BLOC1S3: variants seen among roughly 807,000 people sequenced by gnomAD.
BLOC1S3 encodes biogenesis of lysosome-related organelles complex 1 subunit 3.
In BLOC1S3, 7 loss-of-function variants were observed where a neutral mutation model predicts 9.1. The observed-to-expected ratio is 0.77, with a 90% CI of 0.44 to 1.45. The LOEUF is 1.45. Among genes scored for constraint, BLOC1S3 ranks in the 40% most tolerant of loss-of-function variants. The probability of loss-of-function intolerance (pLI) is 0.01; values close to 1 mark genes in which losing one functional copy is unlikely to be tolerated. For missense variants in BLOC1S3, 307 were observed against 315.2 expected (o/e 0.97, Z 0.20); for synonymous variants, 145 against 158.4 (o/e 0.92, Z 0.64).
intron 2 of BLOC1S3, among the ~76,000 whole-genome samples, chr19:45,189,207 A>G (rs949335801): frequency 4.6e-5 from 7 of 151,942 alleles, no homozygotes; most frequent in African/African-American, 1.7e-4. Flanking sequence ...TTTAATAGAG[A>G]TAAGGTTTCA....
Position 45,179,915 on chromosome 19 carries a change from TA to T in BLOC1S3, c.*11del. 1.2e-6 allele frequency: 2 copies of T among 1,606,242 alleles called. No homozygotes were observed. The highest frequency in any genetic ancestry group is 1.7e-6 in the Non-Finnish European group (2 of 1,176,676). ...GGGGCCGCGGGCCTAGCCATGATTC[TA>T]CTTCCCAACCTGACTGCAATTTGGG... On this transcript the variant is annotated 3_prime_UTR_variant, in exon 2 of 2. Transcript: ENST00000433642. The surrounding 1 kb of genome is among the most constrained non-coding windows in gnomAD (Gnocchi z 4.6).
chr19:45,186,268 G>T (rs1212097285), downstream of BLOC1S3, among the ~76,000 whole-genome samples: 2 of 152,108 alleles, frequency 1.3e-5, no homozygotes, highest in African/African-American at 2.4e-5. Context: ...TGAAGGAAGT[G>T]GCAAACACTT....
intron 3 of BLOC1S3, among the ~76,000 whole-genome samples, chr19:45,204,925 G>C (rs1428686810): frequency 6.6e-6 from 1 of 151,842 alleles, no homozygotes; most frequent in African/African-American, 2.4e-5. Context: ...GTAGAGACAG[G>C]GTTTCTCCAT....
At chr19:45,208,737 A>G (rs1969746189) in intron 3 of BLOC1S3, among the ~76,000 whole-genome samples, 1 of 152,010 alleles carries the variant, frequency 6.6e-6, no homozygotes, top group South Asian at 2.1e-4. Context: ...CCTGGGCAAC[A>G]AGAGTGAAAC....
intron 2 of BLOC1S3, among the ~76,000 whole-genome samples, chr19:45,193,132 CAAAAAA>C (rs71173123): frequency 2.6e-5 from 2 of 77,926 alleles, no homozygotes; most frequent in African/African-American, 3.9e-5. Context: ...AACTCCGTCT[CAAAAAA>C]AAAAAAAAAA....
intron 2 of BLOC1S3, among the ~76,000 whole-genome samples, chr19:45,193,624 A>T (rs1378665784): frequency 6.6e-6 from 1 of 151,740 alleles, no homozygotes; most frequent in East Asian, 2.0e-4. Context: ...CTTTTGGAGT[A>T]TTATAATATG....
chr19:45,188,481 G>A (rs1469865030), intron 2 of BLOC1S3, among the ~76,000 whole-genome samples: 2 of 150,812 alleles, frequency 1.3e-5, no homozygotes, highest in Non-Finnish European at 3.0e-5. Context: ...GCTTCTTTTA[G>A]TTACTTTAAA....
chr19:45,197,597 G>A (rs541935374), intron 2 of BLOC1S3, among the ~76,000 whole-genome samples: 67 of 151,884 alleles, frequency 4.4e-4, no homozygotes, highest in Admixed American at 4.3e-3. Flanking sequence ...AGGCCGAGGC[G>A]GGTGGATCAC....
At chr19:45,216,167 C>T (rs776797360) in intron 3 of BLOC1S3, 24 of 1,613,754 alleles carry the variant, frequency 1.5e-5, no homozygotes, top group South Asian at 1.4e-4. Context: ...TGGGGCACCA[C>T]GGCATCCAGC....
chr19:45,183,666 G>A (rs1432355611), downstream of BLOC1S3, among the ~76,000 whole-genome samples: 3 of 123,198 alleles, frequency 2.4e-5, no homozygotes, highest in African/African-American at 3.2e-5. Context: ...TCACTCTGTC[G>A]TTCAGGCTGG....
chr19:45,214,641 T>A (rs1969814412), intron 3 of BLOC1S3, among the ~76,000 whole-genome samples: 1 of 151,808 alleles, frequency 6.6e-6, no homozygotes, highest in Non-Finnish European at 1.5e-5. Flanking sequence ...ATTTTTGTAT[T>A]TTTAGTAGAG....
At chr19:45,197,699 C>T (rs2122920231) in intron 2 of BLOC1S3, among the ~76,000 whole-genome samples, 1 of 151,712 alleles carries the variant, frequency 6.6e-6, no homozygotes, top group East Asian at 1.9e-4. Context: ...ATGGTGGGTG[C>T]CTGTAATCCC....
rs866695060 is a variant in BLOC1S3 at position 45,193,993 on chromosome 19, A to C, written n.180+6253A>C. On this transcript the variant is annotated intron_variant and non_coding_transcript_variant, in intron 2 of 3. Transcript: ENST00000591569. The stretch of plus-strand genomic sequence containing the variant: ...AATTTTTTTGTATTTTTAGTAGAGA[A>C]GGGGTTTCACCGTGTTAGCCAGGAT... 9.9e-4 allele frequency among the ~76,000 whole-genome samples: 127 copies of C among 128,330 alleles called. 2 individuals are homozygous for C. The highest frequency in any genetic ancestry group is 2.0e-3 in the African/African-American group (67 of 33,534). 84.2% of individuals were successfully genotyped at this position (128,330 alleles called of 152,430 possible).
intron 2 of BLOC1S3, among the ~76,000 whole-genome samples, chr19:45,188,148 G>A (rs746214864): frequency 7.9e-5 from 12 of 151,576 alleles, no homozygotes; most frequent in Admixed American, 1.3e-4. Context: ...TCGGCCTCCC[G>A]AGTAGCTGGG....
intron 3 of BLOC1S3, chr19:45,216,051 T>C (rs1320011132): frequency 1.2e-6 from 2 of 1,612,504 alleles, no homozygotes; most frequent in Admixed American, 1.7e-5. Context: ...CGGCGAGCCC[T>C]GGCCCAGGCG....
chr19:45,216,051 TG>T, intron 3 of BLOC1S3: 1 of 1,612,504 alleles, frequency 6.2e-7, no homozygotes, highest in Non-Finnish European at 8.5e-7. Context: ...CGGCGAGCCC[TG>T]GCCCAGGCGG....
chr19:45,206,449 A>ATTTTTT (rs1401665312), intron 3 of BLOC1S3, among the ~76,000 whole-genome samples: 1 of 48,624 alleles, frequency 2.1e-5, no homozygotes, highest in African/African-American at 1.4e-4. Flanking sequence ...GGATTAATCA[A>ATTTTTT]GTTTTTTTTT....
chr19:45,205,028 C>G (rs1969716832), intron 3 of BLOC1S3, among the ~76,000 whole-genome samples: 1 of 151,990 alleles, frequency 6.6e-6, no homozygotes, highest in Non-Finnish European at 1.5e-5. Flanking sequence ...GCTGCCATGC[C>G]TGGCTGAAAA....
rs532072146 is a variant in BLOC1S3, at chr19:45,202,005, T to C, written n.181-401T>C. Among the ~76,000 whole-genome samples the C allele has an allele frequency of 2.0e-4, 30 of 151,912 alleles. No individual in the cohort carries two copies. In the East Asian group the frequency reaches 2.3e-3, roughly 12 times the overall value. ...TTGGGAGGCCGAGGCGGGTGGATCA[T>C]GAGGTCAGGAGATCGAGACCATCCT... On this transcript the variant is annotated intron_variant and non_coding_transcript_variant, in intron 2 of 3. Transcript: ENST00000591569.
Sources: allele counts gnomAD v4.1 joint callset (sites outside exome capture counted in the v4.1 genomes callset), GRCh38; gene constraint gnomAD v4.1.1; non-coding constraint Gnocchi (gnomAD v3.1); transcripts MANE v1.5; gene names NCBI Gene and HGNC (gene_info 2026-07-23, HGNC 2026-07-21).